Variants in DUSP22 observed in about 807,000 individuals in gnomAD.
DUSP22 encodes dual specificity protein phosphatase 22.
A neutral mutation model predicts 24.5 loss-of-function variants in DUSP22; 24 were observed. The observed-to-expected ratio is 0.98, with a 90% CI of 0.71 to 1.38. The LOEUF (loss-of-function observed/expected upper bound fraction) is 1.38, where lower values mean the gene tolerates loss of function less well. Among genes scored for constraint, DUSP22 ranks in the 40% most tolerant of loss-of-function variants. The pLI is 0.00. For synonymous variants in DUSP22, 160 were observed against 106.4 expected, an observed-to-expected ratio of 1.50 and a Z score of -3.10; for missense variants, 330 against 269.2, an observed-to-expected ratio of 1.23 and a Z score of -1.58.
intron 2 of DUSP22, among the ~76,000 whole-genome samples, chr6:310,405 T>C (rs1164908822): frequency 6.6e-5 from 10 of 152,308 alleles, no homozygotes; most frequent in African/African-American, 1.9e-4. Flanking sequence ...CTTCAGGGGA[T>C]CACACCATTT....
chr6:335,949 T>A (rs926918798), intron 4 of DUSP22, among the ~76,000 whole-genome samples: 1 of 152,302 alleles, frequency 6.6e-6, no homozygotes, highest in Non-Finnish European at 1.5e-5. Flanking sequence ...GAGAGATTCA[T>A]AATTGTTCCC....
At chr6:341,625 C>G (rs112928055) in intron 4 of DUSP22, among the ~76,000 whole-genome samples, 26 of 152,362 alleles carry the variant, frequency 1.7e-4, no homozygotes, top group Admixed American at 5.9e-4. Context: ...TCTGAGCGGC[C>G]GCCTTGTTGG....
intron 3 of DUSP22, among the ~76,000 whole-genome samples, chr6:313,413 C>G (rs1758196585): frequency 2.6e-5 from 4 of 152,302 alleles, no homozygotes; most frequent in Admixed American, 6.5e-5. Flanking sequence ...CTTGGGAAAC[C>G]ACAGGCTAGC....
chr6:328,394 C>T (rs1758983741), intron 3 of DUSP22, among the ~76,000 whole-genome samples: 1 of 152,310 alleles, frequency 6.6e-6, no homozygotes, highest in African/African-American at 2.4e-5. Context: ...CCCACTTTAG[C>T]CTTGCACTGA....
At chr6:318,923 A>G (rs945620768) in intron 3 of DUSP22, among the ~76,000 whole-genome samples, 7 of 152,290 alleles carry the variant, frequency 4.6e-5, no homozygotes, top group African/African-American at 1.7e-4. Flanking sequence ...CACTGTTAAG[A>G]AAAGGAAGCA....
At chr6:332,659 T>TTC (rs1554101477) in intron 3 of DUSP22, among the ~76,000 whole-genome samples, 1 of 152,232 alleles carries the variant, frequency 6.6e-6, no homozygotes, top group Non-Finnish European at 1.5e-5. Context: ...TTTTTTTTTT[T>TTC]CTTTCCTCTT....
chr6:349,146 G>C lies in DUSP22; in HGVS notation c.*195G>C. 7.0e-7 allele frequency: 1 copy of C among 1,435,012 alleles called. No homozygotes were observed. The highest frequency in any genetic ancestry group is 1.5e-5 in the South Asian group (1 of 67,100). 88.9% of individuals were successfully genotyped at this position (1,435,012 alleles called of 1,614,324 possible). ...CACTCCGCCCACCCCTACCCTGGCT[G>C]CACCTGAGCTTGCTGCCCCTGGGGA... On this transcript the variant is annotated 3_prime_UTR_variant, in exon 7 of 7. Transcript: ENST00000419235.
chr6:345,822 G>A lies in DUSP22; in HGVS notation c.189-32G>A, dbSNP rs749986738. The A allele has an allele frequency of 3.1e-6, 5 of 1,611,910 alleles. No individual in the cohort carries two copies. In the Admixed American group the frequency reaches 6.7e-5, roughly 22 times the overall value. ...TTCATCATATATTGAGTAAAGTAGA[G>A]AGATGTCATTTCTCTTTTTTTCTTT... On this transcript the variant is annotated intron_variant, in intron 4 of 6. Coordinates refer to ENST00000419235, the MANE Select transcript of DUSP22 (RefSeq NM_001286555.3).
rs1760088681 is a variant in DUSP22, at chr6:349,636, A to ACT, written c.*686_*687dup. On this transcript the variant is annotated 3_prime_UTR_variant, in exon 7 of 7. Transcript: ENST00000419235. ...TCTGGGGCCCTGGAAAACGTGAGAG[A>ACT]CTGCCCTGAGCTGGTCCAGTGGGCC... The ACT allele has an allele frequency of 3.0e-6, 3 of 987,258 alleles. No individual in the cohort carries two copies. The highest frequency in any genetic ancestry group is 3.6e-6 in the Non-Finnish European group (3 of 831,368). 61.2% of individuals were successfully genotyped at this position (987,258 alleles called of 1,614,324 possible).
intron 2 of DUSP22, among the ~76,000 whole-genome samples, chr6:311,637 G>A (rs546062027): frequency 2.4e-3 from 371 of 152,152 alleles, no homozygotes; most frequent in Middle Eastern, 0.01. Flanking sequence ...CCGAGATGGC[G>A]CCACTGCACT....
At chr6:297,871 G>T (rs1378409085) in intron 1 of DUSP22, among the ~76,000 whole-genome samples, 1 of 152,310 alleles carries the variant, frequency 6.6e-6, no homozygotes, top group Non-Finnish European at 1.5e-5. Context: ...TTGGCTGCCT[G>T]CGTAATCCAG....
Position 349,871 on chromosome 6 carries a change from C to T in DUSP22, c.*920C>T. 1 of 985,972 alleles carries T rather than the reference C, an allele frequency of 1.0e-6. No homozygotes were observed. The highest frequency in any genetic ancestry group is 1.2e-6 in the Non-Finnish European group (1 of 830,324). 61.1% of individuals were successfully genotyped at this position (985,972 alleles called of 1,614,324 possible). On this transcript the variant is annotated 3_prime_UTR_variant, in exon 7 of 7. Transcript: ENST00000419235. The stretch of plus-strand genomic sequence containing the variant: ...GGCGCACTTTAGCCTAAGTTGGGTG[C>T]CCCAGGGCACCCCCTCCTCTCTGCT...
intron 2 of DUSP22, among the ~76,000 whole-genome samples, chr6:310,030 G>A (rs1044814270): frequency 2.6e-5 from 4 of 152,292 alleles, no homozygotes; most frequent in Non-Finnish European, 5.9e-5. Flanking sequence ...GGGCGATCTC[G>A]GCTCACTGCA....
intron 4 of DUSP22, chr6:338,209 C>G (rs1027110690): frequency 6.6e-6 from 1 of 152,342 alleles, no homozygotes; most frequent in Non-Finnish European, 1.5e-5. Flanking sequence ...ACACATATGT[C>G]CATGACTGTA....
At chr6:293,886 A>G (rs1215888318) in intron 1 of DUSP22, among the ~76,000 whole-genome samples, 6 of 146,060 alleles carry the variant, frequency 4.1e-5, no homozygotes, top group African/African-American at 1.5e-4. Context: ...TATTCCGATG[A>G]GCACTGGAAT....
chr6:315,546 G>C (rs895377970), intron 3 of DUSP22, among the ~76,000 whole-genome samples: 3 of 152,310 alleles, frequency 2.0e-5, no homozygotes, highest in Non-Finnish European at 4.4e-5. Context: ...GGTATCGGTA[G>C]ATCTTACCAG....
intron 3 of DUSP22, among the ~76,000 whole-genome samples, chr6:317,785 G>A (rs547329003): frequency 6.6e-4 from 101 of 152,352 alleles, no homozygotes; most frequent in Non-Finnish European, 1.2e-3. Flanking sequence ...GCACGCAGGG[G>A]CCCCTCTGCA....
intron 2 of DUSP22, among the ~76,000 whole-genome samples, chr6:306,678 G>A (rs1489760190): frequency 2.0e-5 from 3 of 152,422 alleles, no homozygotes; most frequent in African/African-American, 7.2e-5. Context: ...CGAGTGGCTC[G>A]AAGGAGAGGA....
intron 2 of DUSP22, 64 bp from the exon 3 acceptor site, chr6:311,816 T>C (rs1354320473): frequency 1.4e-6 from 2 of 1,472,984 alleles, no homozygotes; most frequent in Non-Finnish European, 9.2e-7. Context: ...TTTTTCTGGC[T>C]AGACTTTAGG....
Sources: gnomAD v4.1 joint callset for allele counts (sites outside exome capture counted in the v4.1 genomes callset) on GRCh38, gnomAD v4.1.1 for gene constraint, MANE v1.5 for transcripts, NCBI Gene and HGNC (gene_info 2026-07-23, HGNC 2026-07-21) for gene names.